PGM5: variants seen among roughly 807,000 people sequenced by gnomAD.
PGM5 encodes the protein phosphoglucomutase 5, also known as phosphoglucomutase-like protein 5.
A neutral mutation model predicts 59.2 loss-of-function variants in PGM5; 23 were observed. The observed-to-expected ratio is 0.39, with a 90% CI of 0.28 to 0.55. The LOEUF is 0.55. Ranked by LOEUF, PGM5 falls within the 20% of genes least tolerant of loss-of-function variation. PGM5 has a pLI of 0.66. For missense variants in PGM5, 574 were observed against 748.3 expected (o/e 0.77, Z 2.72); for synonymous variants, 214 against 286.0 (o/e 0.75, Z 2.54).
At chr9:68,514,948 T>C (rs1824803473) in intron 10 of PGM5, among the ~76,000 whole-genome samples, 1 of 152,218 alleles carries the variant, frequency 6.6e-6, no homozygotes, top group Non-Finnish European at 1.5e-5. Flanking sequence ...AGAAACCCTT[T>C]CTCAATATCA....
chr9:68,488,189 C>T (rs1554687674), intron 9 of PGM5, among the ~76,000 whole-genome samples: 1 of 151,830 alleles, frequency 6.6e-6, no homozygotes, highest in East Asian at 1.9e-4. Flanking sequence ...TTGAGAAGGC[C>T]CCTTCAGTTT....
intron 10 of PGM5, among the ~76,000 whole-genome samples, chr9:68,501,322 A>G (rs1409665292): frequency 6.6e-6 from 1 of 152,250 alleles, no homozygotes; most frequent in Non-Finnish European, 1.5e-5. Context: ...GCCCTATTGC[A>G]TAATACATTT....
chr9:68,513,837 C>T (rs545220173), intron 10 of PGM5, among the ~76,000 whole-genome samples: 2 of 152,344 alleles, frequency 1.3e-5, no homozygotes, highest in East Asian at 3.9e-4. Flanking sequence ...ACATTTTAGA[C>T]TGTCTTTGAC....
In PGM5 at chr9:68,384,506, A is replaced by G; in HGVS notation, c.533A>G (p.Gln178Arg). The G allele has an allele frequency of 6.2e-7, 1 of 1,610,802 alleles. No homozygotes were observed. Among genetic ancestry groups the G allele is most frequent in the Non-Finnish European group, 8.5e-7 (1 of 1,177,596 alleles). Reference sequence around the variant, plus strand: ...ATCGACCTATCTCGACTAGGAAGACAAGAATTTGACCTAGAAAACAAATTC... The same window carrying G: ...ATCGACCTATCTCGACTAGGAAGACGAGAATTTGACCTAGAAAACAAATTC... ...LRIDLSRLGR[Q>R]EFDLENKFKP... Residue 178 changes from glutamine to arginine, a missense_variant, in exon 3 of 11, where the codon CAA becomes CGA. By Grantham distance (43) the Gln-to-Arg change is conservative (BLOSUM62 1). Coordinates refer to ENST00000396396, the MANE Select transcript of PGM5 (RefSeq NM_021965.4).
chr9:68,442,934 GCTGTCATATAGTA>G (rs2132064271), intron 6 of PGM5, among the ~76,000 whole-genome samples: 1 of 152,296 alleles, frequency 6.6e-6, no homozygotes, highest in African/African-American at 2.4e-5. Context: ...ATCATCTAGA[GCTGTCATATAGTA>G]CTGATGGAAA....
chr9:68,458,050 A>G (rs2132074935), intron 6 of PGM5, among the ~76,000 whole-genome samples: 1 of 152,336 alleles, frequency 6.6e-6, no homozygotes, highest in South Asian at 2.1e-4. Context: ...CAGAGCCAGG[A>G]ACAGCTTACA....
intron 6 of PGM5, among the ~76,000 whole-genome samples, chr9:68,393,392 CA>C (rs1554679696): frequency 6.6e-6 from 1 of 151,440 alleles, no homozygotes; most frequent in African/African-American, 2.4e-5. Context: ...CCAAAGACAT[CA>C]AAAAGCACAT....
chr9:68,451,753 AG>A (rs1403340494), intron 6 of PGM5, among the ~76,000 whole-genome samples: 1 of 152,158 alleles, frequency 6.6e-6, no homozygotes, highest in African/African-American at 2.4e-5. Context: ...AATTGTCCTT[AG>A]GGAACTTGAG....
chr9:68,498,727 C>T (rs554693417), intron 9 of PGM5: 5 of 154,270 alleles, frequency 3.2e-5, no homozygotes, highest in African/African-American at 1.2e-4. Flanking sequence ...AGCTGAGGCT[C>T]CAGCCCTGGG....
intron 6 of PGM5, among the ~76,000 whole-genome samples, chr9:68,453,975 G>C (rs1295646570): frequency 6.6e-6 from 1 of 152,108 alleles, no homozygotes; most frequent in African/African-American, 2.4e-5. Context: ...GAGTGTACTG[G>C]TGTCTTTCAT....
intron 2 of PGM5, among the ~76,000 whole-genome samples, chr9:68,380,005 T>G (rs1442960282): frequency 1.3e-5 from 2 of 151,958 alleles, no homozygotes; most frequent in Non-Finnish European, 2.9e-5. Context: ...ATAACACTAA[T>G]AGGGGACTTC....
intron 10 of PGM5, among the ~76,000 whole-genome samples, chr9:68,508,032 T>C (rs782574931): frequency 2.6e-5 from 4 of 152,158 alleles, no homozygotes; most frequent in Non-Finnish European, 4.4e-5. Context: ...TGGCCAAACA[T>C]TGTGATCAGA....
chr9:68,446,730 A>G (rs1394803686), intron 6 of PGM5, among the ~76,000 whole-genome samples: 3 of 152,198 alleles, frequency 2.0e-5, no homozygotes, highest in African/African-American at 7.2e-5. Flanking sequence ...TGAAATGTTG[A>G]CATTCGAGAG....
chr9:68,445,767 A>G (rs1166460288), intron 6 of PGM5, among the ~76,000 whole-genome samples: 1 of 152,224 alleles, frequency 6.6e-6, no homozygotes, highest in Non-Finnish European at 1.5e-5. Context: ...TTCTGGTTGT[A>G]AGAAGTTTAA....
chr9:68,380,133 A>G (rs1226738303), intron 2 of PGM5, among the ~76,000 whole-genome samples: 1 of 151,916 alleles, frequency 6.6e-6, no homozygotes, highest in Non-Finnish European at 1.5e-5. Flanking sequence ...ATCCAACAAC[A>G]GCAGAATATA....
intron 1 of PGM5, among the ~76,000 whole-genome samples, chr9:68,365,765 A>T (rs1226403947): frequency 6.6e-6 from 1 of 152,144 alleles, no homozygotes; most frequent in Non-Finnish European, 1.5e-5. Flanking sequence ...ATCAATATGT[A>T]GTTTTACATT....
Position 68,409,403 on chromosome 9 carries a change from C to T in PGM5, c.1043+16930C>T, listed in dbSNP as rs1350157701. 1.7e-4 allele frequency among the ~76,000 whole-genome samples: 24 copies of T among 141,056 alleles called. No homozygotes were observed. The Admixed American group carries it at 1.8e-3, about 10-fold the overall frequency. The allele number at this position is 141,056 out of a possible 152,430, so 92.5% of individuals were successfully genotyped here. A position where few individuals can be genotyped will look rare whatever the true frequency, so the allele number is the denominator to read the frequency against. On this transcript the variant is annotated intron_variant, in intron 6 of 10. Coordinates refer to ENST00000396396, the MANE Select transcript of PGM5 (RefSeq NM_021965.4). ...TATACCCAAAGAACTATAAATCATG[C>T]TGCTATAAAGACACATGCACACGTA...
intron 6 of PGM5, among the ~76,000 whole-genome samples, chr9:68,395,048 A>G (rs1822464543): frequency 6.6e-6 from 1 of 152,092 alleles, no homozygotes; most frequent in Non-Finnish European, 1.5e-5. Context: ...ACTACAAGAA[A>G]TTTTTGCTTC....
intron 10 of PGM5, 32 bp downstream of exon 10, chr9:68,499,393 T>C (rs1824534345): frequency 6.2e-7 from 1 of 1,604,150 alleles, no homozygotes; most frequent in East Asian, 2.2e-5. Context: ...CAGCAGTGTG[T>C]CTCGCAGCTC....
Sources: allele counts gnomAD v4.1 joint callset (sites outside exome capture counted in the v4.1 genomes callset), GRCh38; gene constraint gnomAD v4.1.1; transcripts MANE v1.5; gene names NCBI Gene and HGNC (gene_info 2026-07-23, HGNC 2026-07-21).